The following DPP10 variants were observed in gnomAD, a reference collection of about 807,000 sequenced individuals.
DPP10 encodes dipeptidyl peptidase like 10.
In DPP10, 33 loss-of-function variants were observed where a neutral mutation model predicts 120.9. The ratio of observed to expected loss-of-function variants is 0.27; its 90% CI spans 0.21 to 0.37. The LOEUF is 0.37. Ranked by LOEUF, DPP10 falls within the 10% of genes least tolerant of loss-of-function variation. DPP10 has a pLI of 1.00. For missense variants in DPP10, 816 were observed against 942.8 expected (o/e 0.87, Z 1.76); for synonymous variants, 337 against 326.1 (o/e 1.03, Z -0.36).
chr2:115,025,805 T>C lies in DPP10; in HGVS notation c.61-283434T>C, dbSNP rs555451647. ...CCTCTTGGTCATTTGTATGTCTTCT[T>C]TGAGAAATGTTTTAGATTTTTTGCC... On this transcript the variant is annotated intron_variant, in intron 1 of 25. Transcript: ENST00000410059. Among the ~76,000 whole-genome samples the C allele has an allele frequency of 2.4e-3, 363 of 152,296 alleles. 4 individuals are homozygous for C. Among genetic ancestry groups the C allele is most frequent in the Non-Finnish European group, 3.6e-3 (247 of 68,010 alleles).
At chr2:114,475,816 GA>G (rs1680326037) in intron 1 of DPP10, among the ~76,000 whole-genome samples, 2 of 152,210 alleles carry the variant, frequency 1.3e-5, no homozygotes. Flanking sequence ...GAGTAAGGGT[GA>G]TAGAGGTGGG....
At chr2:115,554,840 T>C (rs2080109349) in intron 5 of DPP10, among the ~76,000 whole-genome samples, 1 of 152,062 alleles carries the variant, frequency 6.6e-6, no homozygotes, top group Non-Finnish European at 1.5e-5. Flanking sequence ...ATTTCCTTGG[T>C]TTATATTGTA....
intron 1 of DPP10, among the ~76,000 whole-genome samples, chr2:114,803,122 A>G (rs888756508): frequency 6.6e-6 from 1 of 152,176 alleles, no homozygotes; most frequent in Non-Finnish European, 1.5e-5. Context: ...GATAGTGAAT[A>G]AGTCTCAGAG....
chr2:114,509,174 G>GT (rs1683931517), intron 1 of DPP10, among the ~76,000 whole-genome samples: 1 of 152,128 alleles, frequency 6.6e-6, no homozygotes, highest in East Asian at 1.9e-4. Flanking sequence ...AAACTCTGTG[G>GT]TTTTGCCAGA....
At chr2:115,625,670 C>T (rs780799409) in intron 5 of DPP10, among the ~76,000 whole-genome samples, 1 of 151,964 alleles carries the variant, frequency 6.6e-6, no homozygotes, top group Admixed American at 6.6e-5. Context: ...TCTACAACTC[C>T]ATGTTTAGGC....
chr2:114,529,665 G>A (rs768839686), intron 1 of DPP10, among the ~76,000 whole-genome samples: 1 of 152,214 alleles, frequency 6.6e-6, no homozygotes, highest in East Asian at 1.9e-4. Flanking sequence ...TTTATAGGAA[G>A]TGTTACATTC....
At chr2:115,344,822 C>T (rs914746665) in intron 3 of DPP10, among the ~76,000 whole-genome samples, 1 of 152,082 alleles carries the variant, frequency 6.6e-6, no homozygotes. Flanking sequence ...GGCATAATAT[C>T]TTTGCTAATT....
intron 1 of DPP10, among the ~76,000 whole-genome samples, chr2:114,758,351 A>G (rs1432430833): frequency 6.6e-6 from 1 of 152,158 alleles, no homozygotes; most frequent in Non-Finnish European, 1.5e-5. Context: ...CAGATTCCCA[A>G]GCTGCCATTT....
intron 1 of DPP10, among the ~76,000 whole-genome samples, chr2:115,072,149 T>C (rs1573506051): frequency 6.6e-6 from 1 of 152,116 alleles, no homozygotes; most frequent in Admixed American, 6.5e-5. Context: ...TAAATGCACA[T>C]TGATGCCTTC....
At chr2:115,014,133 TAACA>T (rs1304596641) in intron 1 of DPP10, among the ~76,000 whole-genome samples, 10 of 152,154 alleles carry the variant, frequency 6.6e-5, no homozygotes, top group Non-Finnish European at 1.0e-4. Context: ...ATGGAAATCA[TAACA>T]AACAGTCTCT....
At chr2:115,060,837 A>T (rs1170391652) in intron 1 of DPP10, among the ~76,000 whole-genome samples, 1 of 152,156 alleles carries the variant, frequency 6.6e-6, no homozygotes, top group African/African-American at 2.4e-5. Context: ...GCTCAGAGAG[A>T]TGCTCCTCAA....
intron 1 of DPP10, among the ~76,000 whole-genome samples, chr2:115,278,250 T>C (rs1356025509): frequency 6.6e-6 from 1 of 152,204 alleles, no homozygotes; most frequent in East Asian, 1.9e-4. Flanking sequence ...AATATCATGA[T>C]TTATTTCTTG....
intron 1 of DPP10, among the ~76,000 whole-genome samples, chr2:115,078,859 A>G (rs1201893730): frequency 6.6e-6 from 1 of 152,226 alleles, no homozygotes; most frequent in Non-Finnish European, 1.5e-5. Flanking sequence ...GAGTAACACC[A>G]TAATTACTAT....
intron 1 of DPP10, among the ~76,000 whole-genome samples, chr2:114,506,058 G>A (rs185366233): frequency 1.3e-5 from 2 of 152,226 alleles, no homozygotes; most frequent in African/African-American, 4.8e-5. Flanking sequence ...GGCAGAAGAA[G>A]GCAGGTCCCC....
At chr2:114,845,107 C>A (rs1235730826) in intron 1 of DPP10, among the ~76,000 whole-genome samples, 1 of 152,138 alleles carries the variant, frequency 6.6e-6, no homozygotes, top group Admixed American at 6.6e-5. Context: ...CAGGCTGCGT[C>A]ATGTGATAGG....
At chr2:114,802,228 T>A (rs781319663) in intron 1 of DPP10, among the ~76,000 whole-genome samples, 1 of 152,214 alleles carries the variant, frequency 6.6e-6, no homozygotes, top group African/African-American at 2.4e-5. Context: ...GGAAGGGTGT[T>A]TCACAGTTGT....
chr2:114,484,412 G>A (rs1225934984), intron 1 of DPP10, among the ~76,000 whole-genome samples: 2 of 152,076 alleles, frequency 1.3e-5, no homozygotes, highest in African/African-American at 4.8e-5. Flanking sequence ...GAGAAGTTTT[G>A]TACCTCATTA....
At chr2:114,655,134 C>T (rs957026753) in intron 1 of DPP10, among the ~76,000 whole-genome samples, 1 of 152,148 alleles carries the variant, frequency 6.6e-6, no homozygotes, top group Non-Finnish European at 1.5e-5. Context: ...AACAACGACA[C>T]AGCATAATGC....
intron 3 of DPP10, among the ~76,000 whole-genome samples, chr2:115,461,921 A>G (rs2074009007): frequency 6.6e-6 from 1 of 152,150 alleles, no homozygotes; most frequent in Non-Finnish European, 1.5e-5. Context: ...CATAAACTAA[A>G]GGCATAATTT....
Sources: gnomAD v4.1 joint callset for allele counts (sites outside exome capture counted in the v4.1 genomes callset) on GRCh38, gnomAD v4.1.1 for gene constraint, MANE v1.5 for transcripts, NCBI Gene and HGNC (gene_info 2026-07-23, HGNC 2026-07-21) for gene names.